UVSSA: variants seen among roughly 807,000 people sequenced by gnomAD.
The protein encoded by UVSSA is UV-stimulated scaffold protein A.
UVSSA carries 72 observed loss-of-function variants against 73.9 expected under a neutral mutation model. That is an observed-to-expected ratio of 0.97 (90% CI 0.81 to 1.19). The LOEUF is 1.19. UVSSA is among the 50% of genes most tolerant of loss of function. The pLI is 0.00. For synonymous variants in UVSSA, 454 were observed against 391.3 expected (o/e 1.16, Z -1.89); for missense variants, 1,150 against 965.0 (o/e 1.19, Z -2.54).
chr4:1,347,083 G>T (rs1713790571), upstream of UVSSA, among the ~76,000 whole-genome samples: 1 of 152,148 alleles, frequency 6.6e-6, no homozygotes, highest in South Asian at 2.1e-4. Context: ...CGCGTCGAGC[G>T]GTAGGTGCAG....
upstream of UVSSA, among the ~76,000 whole-genome samples, chr4:1,344,102 TG>T (rs1221257592): frequency 6.6e-6 from 1 of 152,180 alleles, no homozygotes; most frequent in Non-Finnish European, 1.5e-5. Context: ...TGTGCCTGTA[TG>T]TCATACGCCT....
intron 7 of UVSSA, among the ~76,000 whole-genome samples, chr4:1,365,017 G>A (rs943673379): frequency 3.3e-5 from 5 of 152,206 alleles, no homozygotes; most frequent in African/African-American, 1.2e-4. Flanking sequence ...TGGGGCTGTT[G>A]GAAGGATGCA....
chr4:1,347,984 C>A, intron 1 of UVSSA, 106 bp from the exon 2 acceptor site: 1 of 915,222 alleles, frequency 1.1e-6, no homozygotes, highest in Non-Finnish European at 1.7e-6. Context: ...CCTCAGGGTC[C>A]TCCCGGAGCT....
In UVSSA at chr4:1,385,987, T is replaced by C. The variant is rs1720080203; in HGVS notation, c.*26T>C. 2 of 1,609,982 alleles carry C rather than the reference T, an allele frequency of 1.2e-6. No homozygotes were observed. Among genetic ancestry groups the C allele is most frequent in the Non-Finnish European group, 1.7e-6 (2 of 1,176,488 alleles). ...AGAGCGGGGCCCAGTGCACTGGCCATCAGCACTTTCTCCCTCTGCCAGTGT... is the reference window on the plus strand; with the variant it reads ...AGAGCGGGGCCCAGTGCACTGGCCACCAGCACTTTCTCCCTCTGCCAGTGT... On this transcript the variant is annotated 3_prime_UTR_variant, in exon 14 of 14. Transcript: ENST00000389851.
At chr4:1,382,913 G>A (rs1206956464) in intron 12 of UVSSA, among the ~76,000 whole-genome samples, 4 of 152,198 alleles carry the variant, frequency 2.6e-5, no homozygotes, top group African/African-American at 9.7e-5. Flanking sequence ...TGTGAGCCAG[G>A]GTTGTCTGTA....
rs758014008 is a variant in UVSSA, at chr4:1,353,166, C to T, written c.687C>T (p.Ser229=). The T allele has an allele frequency of 2.5e-6, 4 of 1,612,844 alleles. No homozygotes were observed. The highest frequency in any genetic ancestry group is 2.7e-5 in the African/African-American group (2 of 74,944). ...MASGMSDALR[S]SCAGQVGPCR... ...CTGGCATGTCCGATGCCCTTCGCTC[C>T]TCCTGCGCGGGCCAGGTGGGCCCCT... The change falls in exon 5 of 14, where the codon TCC becomes TCT. Residue 229 remains serine, a synonymous_variant. Coordinates refer to ENST00000389851, the MANE Select transcript of UVSSA (RefSeq NM_020894.4).
At position 1,349,602 on chromosome 4, in the gene UVSSA, C is replaced by G. The variant is rs368263043; in HGVS notation, c.177C>G (p.Leu59=). The change falls in exon 3 of 14, where the codon CTC becomes CTG. Residue 59 remains leucine, a synonymous_variant. Transcript: ENST00000389851. Reference sequence around the variant, plus strand: ...CCCAGGAGCACGCCGAGATCCGTCTCTCAGCCTTCCAGATTGTGGAGGAAC... The same window carrying G: ...CCCAGGAGCACGCCGAGATCCGTCTGTCAGCCTTCCAGATTGTGGAGGAAC... The part of the protein sequence containing the change: ...QLTQEHAEIR[L]SAFQIVEELF... The G allele has an allele frequency of 2.5e-6, 4 of 1,614,156 alleles. No homozygotes were observed. The highest frequency in any genetic ancestry group is 1.3e-5 in the African/African-American group (1 of 75,056).
In UVSSA at chr4:1,380,196, A is replaced by T; in HGVS notation, c.1718A>T (p.Asp573Val). 1 of 1,612,544 alleles carries T rather than the reference A, an allele frequency of 6.2e-7. No homozygotes were observed. Among genetic ancestry groups the T allele is most frequent in the Non-Finnish European group, 8.5e-7 (1 of 1,179,804 alleles). ...CACTGGTGCCGTGCCCCGAGGCCAGACGGCCGGCTCTGTGAGCGCCAAGAC... is the reference window on the plus strand; with the variant it reads ...CACTGGTGCCGTGCCCCGAGGCCAGTCGGCCGGCTCTGTGAGCGCCAAGAC... ...VQHWCRAPRP[D>V]GRLCERQDRL... The change falls in exon 11 of 14, where the codon GAC becomes GTC. Residue 573 changes from aspartate to valine, a missense_variant. Physicochemically the swap from Asp to Val is radical, Grantham distance 152. Coordinates refer to ENST00000389851, the MANE Select transcript of UVSSA (RefSeq NM_020894.4).
chr4:1,375,660 G>A, intron 9 of UVSSA, 152 bp downstream of exon 9: 1 of 1,285,890 alleles, frequency 7.8e-7, no homozygotes, highest in Non-Finnish European at 1.0e-6. Context: ...GGTGAGCAGT[G>A]TTGGTGCCAT....
intron 7 of UVSSA, among the ~76,000 whole-genome samples, chr4:1,357,540 A>C (rs545649818): frequency 6.6e-6 from 1 of 152,332 alleles, no homozygotes; most frequent in African/African-American, 2.4e-5. Context: ...GGTGAGGATG[A>C]GGAGCTGCCG....
Position 1,386,340 on chromosome 4 carries a change from C to CA in UVSSA, c.*380dup, listed in dbSNP as rs1332962764. 1 of 186,000 alleles carries CA rather than the reference C, an allele frequency of 5.4e-6. No individual in the cohort carries two copies. The highest frequency in any genetic ancestry group is 1.4e-4 in the East Asian group (1 of 7,270). The allele number at this position is 186,000 out of a possible 1,614,324, so 11.5% of individuals were successfully genotyped here. A position where few individuals can be genotyped will look rare whatever the true frequency, so the allele number is the denominator to read the frequency against. On this transcript the variant is annotated 3_prime_UTR_variant, in exon 14 of 14. Coordinates refer to ENST00000389851, the MANE Select transcript of UVSSA (RefSeq NM_020894.4). ...ATTCCCCAGCCAGGAGGCGACCACTCAGAGGAACTCTGGGAAACCCACTTT... is the reference window on the plus strand; with the variant it reads ...ATTCCCCAGCCAGGAGGCGACCACTCAAGAGGAACTCTGGGAAACCCACTTT...
intron 8 of UVSSA, among the ~76,000 whole-genome samples, chr4:1,372,894 TC>T (rs917970420): frequency 1.4e-5 from 2 of 141,796 alleles, no homozygotes; most frequent in African/African-American, 2.5e-5. Context: ...GGCACTCACC[TC>T]CCGCGTCTCT....
chr4:1,390,091 A>T (rs182904109), downstream of UVSSA: 36 of 152,264 alleles, frequency 2.4e-4, no homozygotes, highest in African/African-American at 8.4e-4. Context: ...AATCTTTTTC[A>T]TATAGACATT....
intron 7 of UVSSA, among the ~76,000 whole-genome samples, chr4:1,360,673 C>G (rs1011940590): frequency 1.3e-5 from 2 of 152,156 alleles, no homozygotes; most frequent in Admixed American, 6.5e-5. Context: ...CTTTCCCGCC[C>G]CCGTGAGCCG....
intron 13 of UVSSA, 45 bp downstream of exon 13, chr4:1,383,985 T>A (rs1463887055): frequency 6.4e-7 from 1 of 1,563,102 alleles, no homozygotes; most frequent in Admixed American, 1.9e-5. Flanking sequence ...GGCCCCCCCG[T>A]GTGAGGGTGT....
chr4:1,393,197 CA>C (rs1182194747), exon 14 of UVSSA: 1 of 152,188 alleles, frequency 6.6e-6, no homozygotes, highest in East Asian at 1.9e-4. Flanking sequence ...TTTTGCCAAA[CA>C]AAACCTGATG....
Position 1,349,494 on chromosome 4 carries a change from C to T in UVSSA, c.99-30C>T, listed in dbSNP as rs767455535. The T allele has an allele frequency of 5.6e-6, 9 of 1,598,952 alleles. 1 individual carries two copies. The highest frequency in any genetic ancestry group is 1.9e-4 in the Middle Eastern group (1 of 5,146). On this transcript the variant is annotated intron_variant, in intron 2 of 13. Coordinates refer to ENST00000389851, the MANE Select transcript of UVSSA (RefSeq NM_020894.4). Reference sequence around the variant, plus strand: ...CCCCGCCCATCCTCTGCGTGTGGGGCAGTTGGGTCAGGCCAGCTCGCATCC... The same window carrying T: ...CCCCGCCCATCCTCTGCGTGTGGGGTAGTTGGGTCAGGCCAGCTCGCATCC...
intron 8 of UVSSA, among the ~76,000 whole-genome samples, chr4:1,370,961 G>C (rs574409898): frequency 6.6e-6 from 1 of 152,188 alleles, no homozygotes; most frequent in Admixed American, 6.5e-5. Flanking sequence ...TCCCTCCCTG[G>C]AAGCCCCTGT....
upstream of UVSSA, among the ~76,000 whole-genome samples, chr4:1,346,988 G>C (rs1338869449): frequency 6.6e-6 from 1 of 152,238 alleles, no homozygotes; most frequent in African/African-American, 2.4e-5. Context: ...TCCTGGGCTG[G>C]GGTGAGCCAT....
Sources: gnomAD v4.1 joint callset for allele counts (sites outside exome capture counted in the v4.1 genomes callset) on GRCh38, gnomAD v4.1.1 for gene constraint, MANE v1.5 for transcripts, NCBI Gene and HGNC (gene_info 2026-07-23, HGNC 2026-07-21) for gene names.